The following TBC1D1 variants were observed in gnomAD, a reference collection of about 807,000 sequenced individuals.
TBC1D1 encodes the protein TBC1 (tre-2/USP6, BUB2, cdc16) domain family, member 1.
In TBC1D1, 89 loss-of-function variants were observed where a neutral mutation model predicts 125.6. The observed-to-expected ratio is 0.71, with a 90% confidence interval of 0.60 to 0.85. TBC1D1 has a LOEUF of 0.85. Among genes scored for constraint, TBC1D1 ranks in the 40% least tolerant of loss-of-function variants. TBC1D1 has a pLI of 0.00. For synonymous variants in TBC1D1, 565 were observed against 564.1 expected, an observed-to-expected ratio of 1.00 and a Z score of -0.02; for missense variants, 1,377 against 1,469.2, an observed-to-expected ratio of 0.94 and a Z score of 1.03.
At chr4:38,066,347 G>A (rs1753726282) in intron 12 of TBC1D1, among the ~76,000 whole-genome samples, 1 of 138,288 alleles carries the variant, frequency 7.2e-6, no homozygotes, top group Non-Finnish European at 1.5e-5. Context: ...TTGTTTGTTT[G>A]TGACAGGGTC....
intron 2 of TBC1D1, chr4:38,006,745 C>T (rs1449650661): frequency 1.2e-5 from 5 of 415,360 alleles, no homozygotes; most frequent in African/African-American, 8.4e-5. Flanking sequence ...TCCCAAAGTG[C>T]TGGGATTACA....
intron 12 of TBC1D1, among the ~76,000 whole-genome samples, chr4:38,073,501 G>C (rs1416727215): frequency 6.6e-6 from 1 of 152,096 alleles, no homozygotes; most frequent in Non-Finnish European, 1.5e-5. Context: ...TGTCCTGGTC[G>C]GCCATTTATG....
chr4:38,102,373 T>C (rs1282587003), intron 14 of TBC1D1, among the ~76,000 whole-genome samples: 2 of 152,170 alleles, frequency 1.3e-5, no homozygotes, highest in African/African-American at 4.8e-5. Context: ...TTCCCTAGAA[T>C]GTTGTTAATT....
At chr4:38,046,398 A>G (rs1442607603) in intron 10 of TBC1D1, among the ~76,000 whole-genome samples, 1 of 151,756 alleles carries the variant, frequency 6.6e-6, no homozygotes, top group African/African-American at 2.4e-5. Flanking sequence ...AGATTTTCCT[A>G]TTAAAAAAAT....
intron 14 of TBC1D1, among the ~76,000 whole-genome samples, chr4:38,097,949 T>A (rs1335065012): frequency 1.3e-5 from 2 of 152,254 alleles, no homozygotes; most frequent in African/African-American, 4.8e-5. Context: ...AACTTGGGCT[T>A]AGAGCAGTTG....
intron 15 of TBC1D1, among the ~76,000 whole-genome samples, chr4:38,104,802 C>T (rs1760998422): frequency 6.6e-6 from 1 of 151,006 alleles, no homozygotes; most frequent in Non-Finnish European, 1.5e-5. Context: ...GTCGCCCAGG[C>T]TAGAGTGCAG....
chr4:38,103,527 G>A (rs1291150617), intron 15 of TBC1D1, among the ~76,000 whole-genome samples: 1 of 152,160 alleles, frequency 6.6e-6, no homozygotes, highest in Non-Finnish European at 1.5e-5. Flanking sequence ...TTAATTACAG[G>A]AGCCACTCCC....
intron 15 of TBC1D1, among the ~76,000 whole-genome samples, chr4:38,109,232 C>A (rs1280594037): frequency 6.6e-6 from 1 of 152,148 alleles, no homozygotes; most frequent in African/African-American, 2.4e-5. Context: ...GTTGAGGAGC[C>A]TAATGAATTC....
chr4:37,963,269 A>C (rs1469045875), intron 2 of TBC1D1, among the ~76,000 whole-genome samples: 1 of 152,224 alleles, frequency 6.6e-6, no homozygotes, highest in Non-Finnish European at 1.5e-5. Flanking sequence ...CAGGCTGTAC[A>C]GGAGGCATGG....
At chr4:37,946,917 G>A (rs1465509393) in intron 2 of TBC1D1, among the ~76,000 whole-genome samples, 1 of 152,122 alleles carries the variant, frequency 6.6e-6, no homozygotes, top group Non-Finnish European at 1.5e-5. Context: ...GTTCCTAGCC[G>A]CTTTTTATGT....
chr4:37,945,618 T>C (rs952121533), intron 2 of TBC1D1, among the ~76,000 whole-genome samples: 1 of 150,178 alleles, frequency 6.7e-6, no homozygotes, highest in African/African-American at 2.5e-5. Context: ...AAGAAGGATG[T>C]TACTTGGATG....
At chr4:38,015,113 A>G (rs768829668) in intron 3 of TBC1D1, 140 bp downstream of exon 3, 16 of 746,758 alleles carry the variant, frequency 2.1e-5, no homozygotes, top group East Asian at 5.5e-5. Context: ...GAACAATTCT[A>G]TTCTTAGGAT....
At chr4:38,082,871 A>G (rs745422667) in intron 12 of TBC1D1, among the ~76,000 whole-genome samples, 19 of 151,868 alleles carry the variant, frequency 1.3e-4, no homozygotes, top group Non-Finnish European at 1.9e-4. Flanking sequence ...TTTCTTCCTC[A>G]TCTCTAAGTC....
chr4:38,133,109 A>G lies in TBC1D1; in HGVS notation c.3158A>G (p.Gln1053Arg), dbSNP rs1448553112. ...GTATTTGAAATGGACATCGCTAAAC[A>G]GTTACAAGCTTATGAAGTTGAGTAC... Residue 1053 changes from glutamine to arginine, a missense_variant, in exon 19 of 20, where the codon CAG (glutamine) becomes CGG (arginine). Physicochemically the swap from Gln to Arg is conservative, Grantham distance 43. Transcript: ENST00000261439. 6.2e-7 allele frequency: 1 copy of G among 1,613,416 alleles called. No homozygotes were observed. The highest frequency in any genetic ancestry group is 1.3e-5 in the African/African-American group (1 of 74,894).
chr4:37,938,299 G>T (rs574583355), intron 2 of TBC1D1, among the ~76,000 whole-genome samples: 34 of 152,248 alleles, frequency 2.2e-4, no homozygotes, highest in South Asian at 8.3e-4. Context: ...AAGAAATAAG[G>T]TTCTAGAACT....
chr4:38,096,119 A>C, intron 14 of TBC1D1, 29 bp downstream of exon 16: 1 of 1,590,612 alleles, frequency 6.3e-7, no homozygotes, highest in Non-Finnish European at 8.6e-7. Flanking sequence ...CATCTAGTCA[A>C]CCTCACCCCT....
chr4:38,100,497 A>G (rs1268835706), intron 14 of TBC1D1, among the ~76,000 whole-genome samples: 2 of 152,234 alleles, frequency 1.3e-5, no homozygotes, highest in African/African-American at 4.8e-5. Context: ...ATAATCCAGG[A>G]TGCTCTCCTC....
chr4:37,895,340 C>T (rs1379753633), intron 1 of TBC1D1, among the ~76,000 whole-genome samples: 2 of 152,180 alleles, frequency 1.3e-5, no homozygotes, highest in African/African-American at 4.8e-5. Flanking sequence ...CTAGGACACT[C>T]GCCCATTTCC....
rs1158554343 is a variant in TBC1D1, at chr4:38,137,933, G to C, written c.*598G>C. 1 of 152,600 alleles carries C rather than the reference G, an allele frequency of 6.6e-6. No individual in the cohort carries two copies. Among genetic ancestry groups the C allele is most frequent in the Non-Finnish European group, 1.5e-5 (1 of 68,064 alleles). The allele number at this position is 152,600 out of a possible 1,614,324, so 9.5% of individuals were successfully genotyped here. On this transcript the variant is annotated 3_prime_UTR_variant, in exon 20 of 20. Transcript: ENST00000261439. ...ATGAGTTCAGCCTTTATCCCTCGTG[G>C]TTCCACTAGATGTAACTTAAAGGAG...
Sources: allele counts gnomAD v4.1 joint callset (sites outside exome capture counted in the v4.1 genomes callset), GRCh38; gene constraint gnomAD v4.1.1; transcripts MANE v1.5; gene names NCBI Gene and HGNC (gene_info 2026-07-23, HGNC 2026-07-21).